Variants in RGS3 observed in about 807,000 individuals in gnomAD.
RGS3 encodes regulator of G-protein signalling 3.
RGS3 carries 80 observed loss-of-function variants against 132.6 expected under a neutral mutation model. The observed-to-expected ratio is 0.60, with a 90% CI of 0.50 to 0.73. The LOEUF (loss-of-function observed/expected upper bound fraction) is 0.73. Among genes scored for constraint, RGS3 ranks in the 30% least tolerant of loss-of-function variants. The pLI, the probability that RGS3 is intolerant of heterozygous loss-of-function variation, is 0.00. For missense variants in RGS3, 1,382 were observed against 1,530.8 expected (o/e 0.90, Z 1.62); for synonymous variants, 598 against 620.6 (o/e 0.96, Z 0.54).
intron 19 of RGS3, among the ~76,000 whole-genome samples, chr9:113,544,726 A>G (rs565960791): frequency 9.2e-5 from 14 of 152,366 alleles, no homozygotes; most frequent in African/African-American, 2.9e-4. Context: ...GGCTCTGAGA[A>G]GTTAAGTGTT....
intron 9 of RGS3, 30 bp from the exon 8 acceptor site, chr9:113,497,995 G>A (rs1180221896): frequency 6.2e-7 from 1 of 1,613,128 alleles, no homozygotes; most frequent in South Asian, 1.1e-5. Flanking sequence ...GCCACCAGAA[G>A]TTTTCTGATT....
intron 7 of RGS3, among the ~76,000 whole-genome samples, chr9:113,487,363 G>A (rs1482547241): frequency 3.3e-5 from 5 of 151,170 alleles, no homozygotes; most frequent in South Asian, 4.2e-4. Context: ...CACCCGCCTC[G>A]GCCTCCCAAA....
intron 19 of RGS3, among the ~76,000 whole-genome samples, chr9:113,553,454 AAAAAAATATATATAT>A (rs1274452477): frequency 1.0e-3 from 112 of 106,782 alleles, no homozygotes; most frequent in African/African-American, 3.7e-3. Context: ...AAAAAAAAAA[AAAAAAATATATATAT>A]ATATATATAT....
At chr9:113,586,431 A>T (rs1400151788) in intron 20 of RGS3, among the ~76,000 whole-genome samples, 1 of 151,892 alleles carries the variant, frequency 6.6e-6, no homozygotes, top group African/African-American at 2.4e-5. Flanking sequence ...TGGGACACAT[A>T]CTCCTGCCTG....
At chr9:113,475,410 G>C (rs1829959136) in intron 3 of RGS3, among the ~76,000 whole-genome samples, 1 of 152,036 alleles carries the variant, frequency 6.6e-6, no homozygotes, top group African/African-American at 2.4e-5. Context: ...AAAAGTTTTA[G>C]GTTTTTGTTT....
chr9:113,588,825 C>T (rs1011044260), intron 20 of RGS3, among the ~76,000 whole-genome samples: 6 of 152,148 alleles, frequency 3.9e-5, no homozygotes, highest in Admixed American at 6.5e-5. Flanking sequence ...GGTTATTACC[C>T]GCATTTTACA....
intron 5 of RGS3, 64 bp downstream of exon 3, chr9:113,483,181 C>A: frequency 1.7e-6 from 2 of 1,186,702 alleles, no homozygotes; most frequent in Non-Finnish European, 2.5e-6. Flanking sequence ...GGCTCAGTCC[C>A]AAGGTCCCAG....
chr9:113,444,782 CCTT>C (rs1829069452), exon 1 of RGS3: 1 of 152,212 alleles, frequency 6.6e-6, no homozygotes, highest in African/African-American at 2.4e-5. Flanking sequence ...CTCTCCTACT[CCTT>C]CTCTTTAATG....
At chr9:113,502,467 C>A (rs72761966) in intron 10 of RGS3, among the ~76,000 whole-genome samples, 12 of 152,292 alleles carry the variant, frequency 7.9e-5, no homozygotes, top group Middle Eastern at 6.8e-3. Context: ...CCTGCCCCCC[C>A]ACCTGCCTGC....
At chr9:113,544,530 A>G (rs1351456743) in intron 19 of RGS3, among the ~76,000 whole-genome samples, 1 of 152,166 alleles carries the variant, frequency 6.6e-6, no homozygotes, top group Non-Finnish European at 1.5e-5. Flanking sequence ...TTTGTCACAC[A>G]TGGCACCAAG....
chr9:113,492,318 G>C (rs1019901529), intron 7 of RGS3, among the ~76,000 whole-genome samples: 2 of 152,038 alleles, frequency 1.3e-5, no homozygotes, highest in Non-Finnish European at 2.9e-5. Context: ...CATTCTCTCT[G>C]GCTCAGTTCA....
intron 1 of RGS3, among the ~76,000 whole-genome samples, chr9:113,453,035 TATATATA>T (rs925713792): frequency 1.4e-4 from 19 of 132,148 alleles, no homozygotes; most frequent in South Asian, 8.7e-4. Context: ...TAATATATAA[TATATATA>T]ATATATAATA....
intron 14 of RGS3, among the ~76,000 whole-genome samples, chr9:113,513,228 G>T (rs77459685): frequency 1.4e-4 from 21 of 152,096 alleles, no homozygotes; most frequent in Non-Finnish European, 7.3e-5. Context: ...CAACAAAAAC[G>T]TGTGCACCAC....
At chr9:113,491,745 G>A (rs1830529368) in intron 7 of RGS3, among the ~76,000 whole-genome samples, 1 of 151,860 alleles carries the variant, frequency 6.6e-6, no homozygotes, top group African/African-American at 2.4e-5. Flanking sequence ...GTAGAGACAG[G>A]GTTTCACCAT....
At chr9:113,563,730 C>A (rs963143437) in intron 19 of RGS3, among the ~76,000 whole-genome samples, 1 of 152,202 alleles carries the variant, frequency 6.6e-6, no homozygotes, top group Admixed American at 6.5e-5. Flanking sequence ...CAGAGGAGGG[C>A]TATTCTGAGT....
At chr9:113,561,897 G>T (rs1833807310) in intron 19 of RGS3, among the ~76,000 whole-genome samples, 1 of 152,208 alleles carries the variant, frequency 6.6e-6, no homozygotes, top group Non-Finnish European at 1.5e-5. Context: ...CTGCTTGGGG[G>T]TACTGTATTC....
In RGS3 at chr9:113,565,655, C is replaced by T. The variant is rs1311314642; in HGVS notation, c.2038-17795C>T. On this transcript the variant is annotated intron_variant, in intron 19 of 24. Transcript: ENST00000350696. This position sits in a 1 kb window ranked among gnomAD's most constrained non-coding sequence, Gnocchi z 5.7. ...ACGGCCGCCCGCCTGCGGGAGGAGC[C>T]GGGTGGAAACCTGGGCGGGCGAGCT... is the stretch of plus-strand genomic sequence containing the variant. The T allele has an allele frequency of 2.5e-5, 7 of 275,536 alleles. 1 individual carries two copies. The highest frequency in any genetic ancestry group is 9.9e-5 in the South Asian group (3 of 30,358). 17.1% of individuals were successfully genotyped at this position (275,536 alleles called of 1,614,324 possible). A position where few individuals can be genotyped will look rare whatever the true frequency, so the allele number is the denominator to read the frequency against.
rs184920943 is a variant in RGS3 at position 113,579,929 on chromosome 9, A to T, written c.2038-3521A>T. 6.6e-6 allele frequency among the ~76,000 whole-genome samples: 1 copy of T among 152,294 alleles called. No individual in the cohort carries two copies. The highest frequency in any genetic ancestry group is 1.9e-4 in the East Asian group (1 of 5,184). ...TGCTCACAGGGCAAATCCCATGCCC[A>T]CCATGTGTTCTGCAACCTCCCCCTC... On this transcript the variant is annotated intron_variant, in intron 19 of 24. Transcript: ENST00000350696. The surrounding 1 kb of genome is among the most constrained non-coding windows in gnomAD (Gnocchi z 4.3).
intron 3 of RGS3, among the ~76,000 whole-genome samples, chr9:113,469,317 G>A (rs1295233576): frequency 6.6e-6 from 1 of 152,100 alleles, no homozygotes; most frequent in Non-Finnish European, 1.5e-5. Context: ...GAGCCTGGGA[G>A]ATTCCCTGGC....
Sources: gnomAD v4.1 joint callset for allele counts (sites outside exome capture counted in the v4.1 genomes callset) on GRCh38, gnomAD v4.1.1 for gene constraint, Gnocchi (gnomAD v3.1) non-coding constraint, MANE v1.5 for transcripts, NCBI Gene and HGNC (gene_info 2026-07-23, HGNC 2026-07-21) for gene names.